AGBL1: variants seen among roughly 807,000 people sequenced by gnomAD.
AGBL1 encodes cytosolic carboxypeptidase 4.
Under a neutral mutation model 118.9 loss-of-function variants are expected in AGBL1, and 130 were observed. The observed-to-expected ratio is 1.09, with a 90% CI of 0.95 to 1.26. The LOEUF is 1.26. Ranked by LOEUF, AGBL1 falls within the 50% of genes most tolerant of loss-of-function variation. The pLI is 0.00. For missense variants in AGBL1, 1,584 were observed against 1,298.1 expected, an observed-to-expected ratio of 1.22 and a Z score of -3.38; for synonymous variants, 555 against 478.9, an observed-to-expected ratio of 1.16 and a Z score of -2.08.
intron 22 of AGBL1, among the ~76,000 whole-genome samples, chr15:86,814,626 G>A (rs1384114590): frequency 1.3e-5 from 2 of 152,064 alleles, no homozygotes; most frequent in Non-Finnish European, 2.9e-5. Flanking sequence ...GTAAGAGTTG[G>A]GACTCTGAAG....
intron 21 of AGBL1, among the ~76,000 whole-genome samples, chr15:86,596,597 T>C (rs377159028): frequency 5.9e-5 from 9 of 152,254 alleles, no homozygotes; most frequent in African/African-American, 2.2e-4. Flanking sequence ...CTCTCTCTTT[T>C]TTTTTCCCCA....
chr15:86,949,160 G>GA (rs1395609273), intron 23 of AGBL1, among the ~76,000 whole-genome samples: 1 of 151,906 alleles, frequency 6.6e-6, no homozygotes, highest in African/African-American at 2.4e-5. Context: ...TTTCTTAAAT[G>GA]AAAAAAATAA....
intron 6 of AGBL1, among the ~76,000 whole-genome samples, chr15:86,228,314 T>A (rs1285822915): frequency 6.6e-6 from 1 of 152,148 alleles, no homozygotes; most frequent in Non-Finnish European, 1.5e-5. Flanking sequence ...TCTGGGAACG[T>A]TTATGTAAAC....
At chr15:86,409,700 T>C (rs952557375) in intron 18 of AGBL1, among the ~76,000 whole-genome samples, 4 of 152,174 alleles carry the variant, frequency 2.6e-5, no homozygotes, top group Non-Finnish European at 4.4e-5. Context: ...CCCCCTCACT[T>C]CCCAGAAGCA....
At chr15:86,319,621 G>A (rs946843697) in intron 17 of AGBL1, among the ~76,000 whole-genome samples, 1 of 151,280 alleles carries the variant, frequency 6.6e-6, no homozygotes, top group Non-Finnish European at 1.5e-5. Flanking sequence ...TTTTAGTTCT[G>A]ATTTGTGTTT....
intron 17 of AGBL1, among the ~76,000 whole-genome samples, chr15:86,339,690 C>T (rs7176713): frequency 0.67 from 102,009 of 152,034 alleles, 35,446 homozygotes; most frequent in Non-Finnish European, 0.77. Context: ...TTATTTCGGC[C>T]GGGCGCAGTG....
chr15:86,215,841 A>G (rs911050329), intron 5 of AGBL1, among the ~76,000 whole-genome samples: 1 of 152,166 alleles, frequency 6.6e-6, no homozygotes, highest in African/African-American at 2.4e-5. Flanking sequence ...CCTAGAGTGG[A>G]TATGGATGTG....
At chr15:86,607,345 C>T (rs1053310003) in intron 21 of AGBL1, among the ~76,000 whole-genome samples, 6 of 152,176 alleles carry the variant, frequency 3.9e-5, no homozygotes, top group African/African-American at 1.4e-4. Flanking sequence ...GGTTCATTCT[C>T]TTGAATGAAC....
At chr15:86,855,210 T>A (rs931538647) in intron 22 of AGBL1, among the ~76,000 whole-genome samples, 2 of 152,222 alleles carry the variant, frequency 1.3e-5, no homozygotes, top group African/African-American at 4.8e-5. Flanking sequence ...ACACTGATAT[T>A]TAAAGTTCGT....
At chr15:86,233,904 C>A (rs1026676901) in intron 6 of AGBL1, among the ~76,000 whole-genome samples, 1 of 152,168 alleles carries the variant, frequency 6.6e-6, no homozygotes, top group Non-Finnish European at 1.5e-5. Context: ...ATAATTCCAC[C>A]TTCCCAAGGT....
intron 18 of AGBL1, among the ~76,000 whole-genome samples, chr15:86,409,260 C>T (rs1188982252): frequency 6.6e-6 from 1 of 152,194 alleles, no homozygotes; most frequent in East Asian, 1.9e-4. Context: ...TGGACTCAGA[C>T]AGCACTGAGG....
intron 24 of AGBL1, among the ~76,000 whole-genome samples, chr15:87,009,898 A>G (rs567021929): frequency 6.6e-6 from 1 of 152,152 alleles, no homozygotes; most frequent in African/African-American, 2.4e-5. Context: ...CTACACCCCT[A>G]TTTTATCAAG....
At chr15:86,956,064 C>A (rs2080927265) in intron 23 of AGBL1, among the ~76,000 whole-genome samples, 1 of 151,958 alleles carries the variant, frequency 6.6e-6, no homozygotes, top group Non-Finnish European at 1.5e-5. Context: ...TTATCCCAAG[C>A]AACATTGTTG....
Position 86,431,498 on chromosome 15 carries a change from G to A in AGBL1, c.2555+33952G>A, listed in dbSNP as rs371084213. Among the ~76,000 whole-genome samples the A allele has an allele frequency of 1.6e-4, 25 of 152,272 alleles. No individual in the cohort carries two copies. The South Asian group carries it at 3.7e-3, about 23-fold the overall frequency. ...CAATTTGGAGTATCCCAACCTTTGC[G>A]CTAATGCCGTCCACAGTGTCTGCTT... On this transcript the variant is annotated intron_variant, in intron 18 of 22. Coordinates refer to ENST00000614907, the MANE Select transcript of AGBL1 (RefSeq NM_001386094.1).
At position 86,988,088 on chromosome 15, in the gene AGBL1, CG is replaced by C; in HGVS notation, c.3323+1del. 1 of 1,613,292 alleles carries C rather than the reference CG, an allele frequency of 6.2e-7. No homozygotes were observed. The highest frequency in any genetic ancestry group is 1.1e-5 in the South Asian group (1 of 91,014). On this transcript the variant is annotated splice_donor_variant, in intron 24 of 24. Transcript: ENST00000441037. LOFTEE classifies it high-confidence loss of function. ...ATGAACCTTCTTCTGCATGTCTCCC[CG>C]TGAGTATGTCAGTTTCCTGATTGTA...
At chr15:86,745,046 G>C (rs538142876) in intron 22 of AGBL1, among the ~76,000 whole-genome samples, 2 of 152,106 alleles carry the variant, frequency 1.3e-5, no homozygotes, top group Non-Finnish European at 2.9e-5. Context: ...CAAGGTAATA[G>C]AGTATGTCTT....
At chr15:86,174,457 A>G (rs1229004650) in intron 5 of AGBL1, among the ~76,000 whole-genome samples, 5 of 152,078 alleles carry the variant, frequency 3.3e-5, no homozygotes, top group African/African-American at 1.2e-4. Context: ...CTTGCTAGAG[A>G]TTGTTCCGGC....
intron 18 of AGBL1, among the ~76,000 whole-genome samples, chr15:86,497,330 A>G (rs2082866845): frequency 6.6e-6 from 1 of 151,940 alleles, no homozygotes; most frequent in Non-Finnish European, 1.5e-5. Flanking sequence ...TTTTCATTGG[A>G]ATGATACTGT....
chr15:86,621,077 T>C (rs963671477), intron 21 of AGBL1, among the ~76,000 whole-genome samples: 6 of 152,176 alleles, frequency 3.9e-5, no homozygotes, highest in African/African-American at 1.4e-4. Context: ...TTCTTTTGTG[T>C]GAGGTCTTCT....
Sources: gnomAD v4.1 joint callset for allele counts (sites outside exome capture counted in the v4.1 genomes callset) on GRCh38, gnomAD v4.1.1 for gene constraint, MANE v1.5 for transcripts, NCBI Gene and HGNC (gene_info 2026-07-23, HGNC 2026-07-21) for gene names.